Variants in SYNPO observed in about 807,000 individuals in gnomAD.
The protein encoded by SYNPO is synaptopodin.
In SYNPO, 19 loss-of-function variants were observed where a neutral mutation model predicts 49.5. That is an observed-to-expected ratio of 0.38 (90% confidence interval 0.27 to 0.56). The LOEUF is 0.56. Among genes scored for constraint, SYNPO ranks in the 20% least tolerant of loss-of-function variants. The pLI is 0.68. For missense variants in SYNPO, 1,131 were observed against 1,248.3 expected, an observed-to-expected ratio of 0.91 and a Z score of 1.42; for synonymous variants, 536 against 548.0, an observed-to-expected ratio of 0.98 and a Z score of 0.31.
At position 150,606,671 on chromosome 5, in the gene SYNPO, G is replaced by T. The variant is rs192751195; in HGVS notation, c.-266+5483G>T. On this transcript the variant is annotated intron_variant, in intron 1 of 2. Coordinates refer to the SYNPO transcript ENST00000394243. ...TTGCCTTTTCTCAGGTCCAGGGAGG[G>T]AAAGTGACCTGCCCACAGTCACAAG... Among the ~76,000 whole-genome samples, 4 of 152,356 alleles carry T rather than the reference G, an allele frequency of 2.6e-5. No individual in the cohort carries two copies. In the East Asian group the frequency reaches 5.8e-4, roughly 22 times the overall value.
In SYNPO at chr5:150,649,058, G is replaced by T. The variant is rs144793851; in HGVS notation, c.783G>T (p.Glu261Asp). 8.1e-6 allele frequency: 13 copies of T among 1,614,090 alleles called. No homozygotes were observed. The highest frequency in any genetic ancestry group is 1.0e-5 in the Non-Finnish European group (12 of 1,179,946). Reference protein sequence around the residue: ...TSQMERSPMLERRHFGEKAPA... With the variant: ...TSQMERSPMLDRRHFGEKAPA... Reference sequence around the variant, plus strand: ...AGATGGAGAGGAGCCCCATGCTAGAGAGACGACATTTTGGGGAGAAGGCCC... The same window carrying T: ...AGATGGAGAGGAGCCCCATGCTAGATAGACGACATTTTGGGGAGAAGGCCC... Residue 261 changes from glutamate (E) to aspartate (D), a missense_variant, in exon 2 of 3, where the codon GAG becomes GAT. Glu to Asp is a conservative substitution (Grantham distance 45). Around this residue, in one of 4 missense-constraint regions of SYNPO, gnomAD observed 602 missense variants for 720.7 expected, o/e 0.84. Transcript: ENST00000307662.
At chr5:150,619,834 A>AC (rs1290909258) in intron 2 of SYNPO, among the ~76,000 whole-genome samples, 3 of 151,712 alleles carry the variant, frequency 2.0e-5, no homozygotes, top group Admixed American at 2.0e-4. Flanking sequence ...GGCTCTGATC[A>AC]CCCCCCATGG....
At chr5:150,617,228 C>G (rs78831050) in intron 1 of SYNPO, among the ~76,000 whole-genome samples, 3,752 of 152,282 alleles carry the variant, frequency 0.025, 60 homozygotes, top group South Asian at 0.038. Context: ...TTGATCGTCA[C>G]ACAAATGGCA....
chr5:150,655,941 G>A (rs1177048980), intron 2 of SYNPO, among the ~76,000 whole-genome samples: 1 of 152,230 alleles, frequency 6.6e-6, no homozygotes, highest in Non-Finnish European at 1.5e-5. Context: ...GCGGGCCACC[G>A]CGCCAAGCCC....
In SYNPO at chr5:150,659,041, G is replaced by A. The variant is rs1245261169; in HGVS notation, c.*1954G>A. On this transcript the variant is annotated 3_prime_UTR_variant, in exon 3 of 3. Transcript: ENST00000307662. ...ACCTGCATTTCCCAGAGGACTAGCA[G>A]GAGGCAGCCTTGAGAAACCGGCAGT... 2 of 152,370 alleles carry A rather than the reference G, an allele frequency of 1.3e-5. No homozygotes were observed. Among genetic ancestry groups the A allele is most frequent in the African/African-American group, 4.8e-5 (2 of 41,446 alleles). 9.4% of individuals were successfully genotyped at this position (152,370 alleles called of 1,614,324 possible). A position where few individuals can be genotyped will look rare whatever the true frequency, so the allele number is the denominator to read the frequency against.
At chr5:150,614,147 C>A (rs1276001339) in intron 1 of SYNPO, among the ~76,000 whole-genome samples, 1 of 152,206 alleles carries the variant, frequency 6.6e-6, no homozygotes, top group Non-Finnish European at 1.5e-5. Flanking sequence ...CCTACAAACA[C>A]CCTGGGAAGT....
the SYNPO span, among the ~76,000 whole-genome samples, chr5:150,588,118 G>C: frequency 1.3e-5 from 2 of 152,166 alleles, no homozygotes; most frequent in Non-Finnish European, 2.9e-5. Flanking sequence ...TGAAAACATG[G>C]TTCCATATTC....
At chr5:150,598,508 G>C (rs1169500147), upstream of SYNPO, among the ~76,000 whole-genome samples, 2 of 152,222 alleles carry the variant, frequency 1.3e-5, no homozygotes. Flanking sequence ...TCAGGAATGC[G>C]TGTATGGTGC....
the SYNPO span, among the ~76,000 whole-genome samples, chr5:150,593,886 A>G: frequency 0.45 from 67,977 of 152,112 alleles, 15,700 homozygotes; most frequent in African/African-American, 0.55. Flanking sequence ...TGTGGTCAGT[A>G]GAATGGCAGT....
rs776669150 is a variant in SYNPO at position 150,656,836 on chromosome 5, G to C, written c.2461G>C (p.Ala821Pro). ...GSAAVPGAAF[A>P]PIPRSPLPAG... is the part of the protein sequence containing the mutation. ...GGCTGCTGTGCCGGGGGCAGCCTTCGCGCCCATCCCGCGGAGCCCGTTGCC... is the reference window on the plus strand; with the variant it reads ...GGCTGCTGTGCCGGGGGCAGCCTTCCCGCCCATCCCGCGGAGCCCGTTGCC... The change falls in exon 3 of 3, where the codon GCG becomes CCG. Residue 821 changes from alanine to proline, a missense_variant. Around this residue, in one of 4 missense-constraint regions of SYNPO, gnomAD observed 509 missense variants for 484.5 expected, o/e 1.05. Transcript: ENST00000307662. 5 of 1,542,718 alleles carry C rather than the reference G, an allele frequency of 3.2e-6. No individual in the cohort carries two copies. The South Asian group carries it at 5.9e-5, about 18-fold the overall frequency.
chr5:150,650,779 C>A, intron 2 of SYNPO: 1 of 1,293,358 alleles, frequency 7.7e-7, no homozygotes, highest in Non-Finnish European at 9.8e-7. Context: ...CTCAGCTGCC[C>A]CAGGGGGGCC....
chr5:150,605,503 A>G (rs2151337900), intron 1 of SYNPO, among the ~76,000 whole-genome samples: 1 of 152,188 alleles, frequency 6.6e-6, no homozygotes, highest in African/African-American at 2.4e-5. Flanking sequence ...TGGGGGCAAG[A>G]AGGTAGGAAA....
rs556946404 is a variant in SYNPO at position 150,650,359 on chromosome 5, G to A, written c.2028+56G>A. 9.8e-5 allele frequency: 158 copies of A among 1,609,392 alleles called. No homozygotes were observed. The Middle Eastern group carries it at 1.3e-3, about 13-fold the overall frequency. ...CGAACCCCACGGGGGTCCCACTGCCGGTCAAGTTCCCCTCCTTGAGGGCCA... is the reference window on the plus strand; with the variant it reads ...CGAACCCCACGGGGGTCCCACTGCCAGTCAAGTTCCCCTCCTTGAGGGCCA... On this transcript the variant is annotated intron_variant, in intron 2 of 2. Coordinates refer to ENST00000307662, the MANE Select transcript of SYNPO (RefSeq NM_007286.6).
upstream of SYNPO, among the ~76,000 whole-genome samples, chr5:150,637,820 C>A (rs2151396595): frequency 6.6e-6 from 1 of 152,324 alleles, no homozygotes; most frequent in Admixed American, 6.5e-5. Flanking sequence ...GCGTCCTTTC[C>A]TATAAGAAGG....
chr5:150,656,719 C>T lies in SYNPO; in HGVS notation c.2344C>T (p.Pro782Ser), dbSNP rs1389940155. 2 of 1,385,742 alleles carry T rather than the reference C, an allele frequency of 1.4e-6. No individual in the cohort carries two copies. The highest frequency in any genetic ancestry group is 3.0e-5 in the African/African-American group (2 of 66,572). The allele number at this position is 1,385,742 out of a possible 1,614,324, so 85.8% of individuals were successfully genotyped here. A position where few individuals can be genotyped will look rare whatever the true frequency, so the allele number is the denominator to read the frequency against. The change falls in exon 3 of 3, where the codon CCC becomes TCC. Residue 782 changes from proline to serine, a missense_variant. Pro to Ser is a moderately conservative substitution (Grantham distance 74). Transcript: ENST00000307662. ...PRSAGAENPR[P>S]FSPPRAPPPP... ...GTCGGCGGGCGCCGAGAACCCGCGG[C>T]CCTTCTCCCCGCCGAGGGCGCCACC...
intron 1 of SYNPO, among the ~76,000 whole-genome samples, chr5:150,606,822 G>A (rs958814360): frequency 3.9e-5 from 6 of 152,144 alleles, no homozygotes; most frequent in African/African-American, 7.2e-5. Flanking sequence ...CCCCTCAGCC[G>A]CCTCTTTCAG....
At chr5:150,596,531 T>C (rs1478544210), upstream of SYNPO, among the ~76,000 whole-genome samples, 1 of 151,984 alleles carries the variant, frequency 6.6e-6, no homozygotes, top group East Asian at 1.9e-4. Context: ...GCTCAGGAAG[T>C]CCACCCCGCC....
intron 2 of SYNPO, 138 bp downstream of exon 2, chr5:150,650,441 T>C: frequency 3.9e-6 from 6 of 1,543,458 alleles, no homozygotes; most frequent in Non-Finnish European, 5.3e-6. Context: ...GAATGGGGAG[T>C]CCATGGTTCA....
At chr5:150,615,925 T>C (rs115152734) in intron 1 of SYNPO, among the ~76,000 whole-genome samples, 2,763 of 152,304 alleles carry the variant, frequency 0.018, 71 homozygotes, top group African/African-American at 0.063. Flanking sequence ...AATTCTCTCA[T>C]AGGGTTGATG....
Sources: gnomAD v4.1 joint callset for allele counts (sites outside exome capture counted in the v4.1 genomes callset) on GRCh38, gnomAD v4.1.1 for gene constraint, gnomAD v4.1.1 regional missense constraint, MANE v1.5 for transcripts, NCBI Gene and HGNC (gene_info 2026-07-23, HGNC 2026-07-21) for gene names.